CBFA2T2: variants seen among roughly 807,000 people sequenced by gnomAD.
CBFA2T2 encodes the protein protein CBFA2T2.
A neutral mutation model predicts 62.2 loss-of-function variants in CBFA2T2; 11 were observed. The observed-to-expected ratio is 0.18, with a 90% CI of 0.11 to 0.29. The LOEUF is 0.29. CBFA2T2 is among the 10% of genes least tolerant of loss of function. CBFA2T2 has a pLI of 1.00. For missense variants in CBFA2T2, 592 were observed against 774.1 expected, an observed-to-expected ratio of 0.76 and a Z score of 2.79; for synonymous variants, 295 against 287.5, an observed-to-expected ratio of 1.03 and a Z score of -0.27.
intron 1 of CBFA2T2, among the ~76,000 whole-genome samples, chr20:33,492,217 C>T (rs1472477529): frequency 6.6e-6 from 1 of 151,856 alleles, no homozygotes; most frequent in Admixed American, 6.6e-5. Flanking sequence ...CAGGGTTTCA[C>T]CATATTGGTC....
intron 1 of CBFA2T2, among the ~76,000 whole-genome samples, chr20:33,545,147 TAATAAGCATTTAA>T (rs2012517219): frequency 6.6e-6 from 1 of 152,216 alleles, no homozygotes; most frequent in Admixed American, 6.5e-5. Context: ...CTTTGTGAAA[TAATAAGCATTTAA>T]ACTTTAGGAA....
intron 6 of CBFA2T2, among the ~76,000 whole-genome samples, chr20:33,625,631 C>A (rs1434959742): frequency 6.6e-6 from 1 of 152,242 alleles, no homozygotes; most frequent in South Asian, 2.1e-4. Flanking sequence ...TTCTATAAAT[C>A]TGAGTTTATT....
At chr20:33,563,229 A>G (rs1281509097) in intron 1 of CBFA2T2, among the ~76,000 whole-genome samples, 2 of 152,208 alleles carry the variant, frequency 1.3e-5, no homozygotes, top group Non-Finnish European at 2.9e-5. Flanking sequence ...CTTGCTACAT[A>G]TAAAATAAAT....
intron 6 of CBFA2T2, among the ~76,000 whole-genome samples, chr20:33,627,704 A>AG: frequency 6.6e-6 from 1 of 152,322 alleles, no homozygotes; most frequent in African/African-American, 2.4e-5. Context: ...AAATAAACAG[A>AG]TTATCACACT....
chr20:33,561,299 G>T (rs1044778777), intron 1 of CBFA2T2, among the ~76,000 whole-genome samples: 1 of 151,986 alleles, frequency 6.6e-6, no homozygotes, highest in Non-Finnish European at 1.5e-5. Context: ...GATCTCAAAC[G>T]CCTGAGCTCA....
At chr20:33,491,375 A>G (rs922094086) in intron 1 of CBFA2T2, among the ~76,000 whole-genome samples, 1 of 152,156 alleles carries the variant, frequency 6.6e-6, no homozygotes, top group African/African-American at 2.4e-5. Flanking sequence ...CATGTTTTGC[A>G]TGTTTTTTTA....
At chr20:33,634,287 A>G (rs2016552551) in intron 8 of CBFA2T2, among the ~76,000 whole-genome samples, 1 of 152,202 alleles carries the variant, frequency 6.6e-6, no homozygotes, top group Admixed American at 6.5e-5. Flanking sequence ...ACAAAGAAAA[A>G]GAATACTTAA....
At chr20:33,599,608 G>A (rs550102998) in intron 1 of CBFA2T2, among the ~76,000 whole-genome samples, 5 of 146,982 alleles carry the variant, frequency 3.4e-5, no homozygotes, top group East Asian at 4.0e-4. Flanking sequence ...TTTTTGAGAC[G>A]GAGCCTTACT....
At chr20:33,581,159 G>C (rs1601003533) in intron 1 of CBFA2T2, among the ~76,000 whole-genome samples, 2 of 151,788 alleles carry the variant, frequency 1.3e-5, no homozygotes, top group East Asian at 3.9e-4. Flanking sequence ...CACCTCCCAT[G>C]TTCAAGTGAT....
chr20:33,582,676 T>G (rs1327187369), intron 1 of CBFA2T2, among the ~76,000 whole-genome samples: 1 of 151,394 alleles, frequency 6.6e-6, no homozygotes, highest in African/African-American at 2.4e-5. Context: ...GTGCGGTGAC[T>G]CACACCTGTA....
chr20:33,558,720 A>G (rs1159911242), intron 1 of CBFA2T2, among the ~76,000 whole-genome samples: 1 of 151,468 alleles, frequency 6.6e-6, no homozygotes, highest in Admixed American at 6.6e-5. Context: ...CATTAGATTC[A>G]TTTTTTCATT....
chr20:33,636,770 T>C (rs189947829), intron 9 of CBFA2T2, 62 bp downstream of exon 9: 71 of 1,238,574 alleles, frequency 5.7e-5, no homozygotes, highest in African/African-American at 5.5e-4. Flanking sequence ...AGAGAACAGA[T>C]AACTGGGTGA....
At chr20:33,564,097 A>G (rs1341477666) in intron 1 of CBFA2T2, among the ~76,000 whole-genome samples, 2 of 152,018 alleles carry the variant, frequency 1.3e-5, no homozygotes, top group African/African-American at 4.8e-5. Flanking sequence ...CAAAAATTCT[A>G]CCATTTCTCA....
intron 2 of CBFA2T2, 95 bp downstream of exon 2, chr20:33,607,194 G>A: frequency 8.9e-7 from 1 of 1,117,846 alleles, no homozygotes; most frequent in Non-Finnish European, 1.2e-6. Context: ...ATTATTCAGT[G>A]TTTTCAAAGT....
chr20:33,540,410 C>G (rs2012382451), intron 1 of CBFA2T2, among the ~76,000 whole-genome samples: 1 of 152,154 alleles, frequency 6.6e-6, no homozygotes, highest in Admixed American at 6.5e-5. Context: ...TGTTACTGTA[C>G]TGAATGCTGT....
At chr20:33,643,403 C>G (rs537458104) in intron 10 of CBFA2T2, among the ~76,000 whole-genome samples, 8 of 152,134 alleles carry the variant, frequency 5.3e-5, no homozygotes, top group South Asian at 2.1e-4. Flanking sequence ...TAAGGAGACT[C>G]TGTCTCTACA....
intron 10 of CBFA2T2, among the ~76,000 whole-genome samples, chr20:33,641,420 TC>T (rs1232211276): frequency 2.0e-5 from 3 of 152,076 alleles, no homozygotes; most frequent in Non-Finnish European, 4.4e-5. Flanking sequence ...AGGAGAAAAA[TC>T]AACAAACTGA....
chr20:33,498,444 G>A (rs2011228328), intron 1 of CBFA2T2, among the ~76,000 whole-genome samples: 2 of 151,704 alleles, frequency 1.3e-5, no homozygotes, highest in African/African-American at 2.4e-5. Flanking sequence ...TGGAGATGGG[G>A]GTTTCATCAT....
intron 1 of CBFA2T2, among the ~76,000 whole-genome samples, chr20:33,540,143 G>C (rs1451951763): frequency 6.6e-6 from 1 of 152,094 alleles, no homozygotes; most frequent in African/African-American, 2.4e-5. Context: ...AAACAGAATG[G>C]GAGTTTGGTA....
Sources: gnomAD v4.1 joint callset for allele counts (sites outside exome capture counted in the v4.1 genomes callset) on GRCh38, gnomAD v4.1.1 for gene constraint, MANE v1.5 for transcripts, NCBI Gene and HGNC (gene_info 2026-07-23, HGNC 2026-07-21) for gene names.